The following WDR53 variants were observed in gnomAD, a reference collection of about 807,000 sequenced individuals.
WDR53 encodes the protein WD repeat-containing protein 53.
A neutral mutation model predicts 21.3 loss-of-function variants in WDR53; 19 were observed. The observed-to-expected ratio is 0.89, with a 90% confidence interval of 0.62 to 1.31. The LOEUF (loss-of-function observed/expected upper bound fraction) is 1.31. WDR53 is among the 50% of genes most tolerant of loss of function. The pLI is 0.00. For missense variants in WDR53, 374 were observed against 423.2 expected, an observed-to-expected ratio of 0.88 and a Z score of 1.02; for synonymous variants, 157 against 163.4, an observed-to-expected ratio of 0.96 and a Z score of 0.30.
At chr3:196,564,494 G>A (rs751098927) in intron 2 of WDR53, among the ~76,000 whole-genome samples, 9 of 150,206 alleles carry the variant, frequency 6.0e-5, no homozygotes, top group Non-Finnish European at 1.3e-4. Context: ...TGAGTAGCTG[G>A]AACTACAGGC....
At chr3:196,565,223 T>C (rs1465708779) in intron 2 of WDR53, among the ~76,000 whole-genome samples, 1 of 151,858 alleles carries the variant, frequency 6.6e-6, no homozygotes, top group South Asian at 2.1e-4. Flanking sequence ...ACTGATCATT[T>C]ATCTAGTCAG....
intron 3 of WDR53, among the ~76,000 whole-genome samples, chr3:196,555,276 A>C (rs2108680751): frequency 6.6e-6 from 1 of 152,288 alleles, no homozygotes; most frequent in Admixed American, 6.5e-5. Flanking sequence ...TACCCATCCA[A>C]GGGGCTTAAG....
At chr3:196,567,925 A>G (rs1263218761) in intron 1 of WDR53, among the ~76,000 whole-genome samples, 1 of 151,878 alleles carries the variant, frequency 6.6e-6, no homozygotes, top group Non-Finnish European at 1.5e-5. Context: ...TAATTTTTCT[A>G]TTTTTTTGTA....
intron 2 of WDR53, among the ~76,000 whole-genome samples, chr3:196,563,729 G>A (rs1164065837): frequency 2.0e-5 from 3 of 152,070 alleles, no homozygotes; most frequent in Non-Finnish European, 4.4e-5. Flanking sequence ...CTGCCACCAC[G>A]CCAGGCTAAC....
intron 2 of WDR53, among the ~76,000 whole-genome samples, chr3:196,564,525 A>C (rs1265732219): frequency 1.3e-5 from 2 of 149,260 alleles, no homozygotes; most frequent in Non-Finnish European, 3.0e-5. Context: ...AAACCCACCT[A>C]ATTTTTTGTA....
intron 2 of WDR53, among the ~76,000 whole-genome samples, chr3:196,565,312 C>T (rs532749834): frequency 8.6e-4 from 130 of 150,390 alleles, no homozygotes; most frequent in Non-Finnish European, 1.6e-3. Context: ...TGGTGGCTCA[C>T]GCCTGCAATC....
chr3:196,566,570 C>A (rs768884331), intron 2 of WDR53, among the ~76,000 whole-genome samples: 10 of 152,108 alleles, frequency 6.6e-5, no homozygotes, highest in African/African-American at 2.4e-4. Flanking sequence ...TGCACCACCA[C>A]GCCCGGTTAA....
intron 2 of WDR53, among the ~76,000 whole-genome samples, chr3:196,562,910 G>A (rs1174686748): frequency 1.3e-5 from 2 of 152,118 alleles, no homozygotes; most frequent in Non-Finnish European, 2.9e-5. Flanking sequence ...GTGGCTCACT[G>A]CAGCCTTGAC....
chr3:196,567,925 A>AT (rs1168358056), intron 1 of WDR53, among the ~76,000 whole-genome samples: 12 of 151,996 alleles, frequency 7.9e-5, no homozygotes, highest in African/African-American at 1.4e-4. Flanking sequence ...TAATTTTTCT[A>AT]TTTTTTTGTA....
chr3:196,558,258 T>A (rs935215112), intron 3 of WDR53, among the ~76,000 whole-genome samples: 1 of 152,102 alleles, frequency 6.6e-6, no homozygotes, highest in African/African-American at 2.4e-5. Context: ...CAGGCTGGAG[T>A]GCAGTGGCGA....
rs368933426 is a variant in WDR53, at chr3:196,565,350, G to A, written c.-17+1527C>T. Among the ~76,000 whole-genome samples, 242 of 152,030 alleles carry A rather than the reference G, an allele frequency of 1.6e-3. 1 individual carries two copies. Among genetic ancestry groups the A allele is most frequent in the African/African-American group, 5.7e-3 (235 of 41,468 alleles). ...AGCACTTTGGGAGGCTGAGGAGGGC[G>A]GATCACTTGAGGTCAGGAGTTCAAG... is the stretch of plus-strand genomic sequence containing the variant. On this transcript the variant is annotated intron_variant, in intron 2 of 3. Coordinates refer to ENST00000332629, the MANE Select transcript of WDR53 (RefSeq NM_182627.3).
At chr3:196,560,230 A>G (rs1301841902) in intron 3 of WDR53, among the ~76,000 whole-genome samples, 1 of 148,782 alleles carries the variant, frequency 6.7e-6, no homozygotes, top group Non-Finnish European at 1.5e-5. Flanking sequence ...GCAATTTGTG[A>G]TGCTCCTTTC....
chr3:196,567,109 G>C lies in WDR53; in HGVS notation c.-249C>G. On this transcript the variant is annotated 5_prime_UTR_variant, in exon 2 of 4. Coordinates refer to ENST00000332629, the MANE Select transcript of WDR53 (RefSeq NM_182627.3). ...CTGTGCCTCTAAGGCTGTTCATTCT[G>C]TCTAGTTCATGATCCCTTTCTCAGA... The C allele has an allele frequency of 2.2e-6, 1 of 456,618 alleles. No individual in the cohort carries two copies. Among genetic ancestry groups the C allele is most frequent in the Middle Eastern group, 3.3e-4 (1 of 3,074 alleles). 28.3% of individuals were successfully genotyped at this position (456,618 alleles called of 1,614,324 possible).
In WDR53 at chr3:196,561,072, T is replaced by A; in HGVS notation, c.404A>T (p.His135Leu). Reference protein sequence around the residue: ...NKKVIRSLKRHSNICSSVAFR... With the variant: ...NKKVIRSLKRLSNICSSVAFR... ...AGCCACTGAGGAGCAGATATTGGAA[T>A]GTCTCTTCAAGGATCTGATAACTTT... Residue 135 changes from histidine to leucine, a missense_variant, in exon 3 of 4, where the codon CAT becomes CTT. His to Leu is a moderately conservative substitution (Grantham distance 99). Coordinates refer to ENST00000332629, the MANE Select transcript of WDR53 (RefSeq NM_182627.3). 6.2e-7 allele frequency: 1 copy of A among 1,614,260 alleles called. No individual in the cohort carries two copies. Among genetic ancestry groups the A allele is most frequent in the Non-Finnish European group, 8.5e-7 (1 of 1,180,048 alleles).
At chr3:196,560,839 C>T (rs1051609262) in intron 3 of WDR53, among the ~76,000 whole-genome samples, 157 bp downstream of exon 3, 10 of 152,152 alleles carry the variant, frequency 6.6e-5, no homozygotes, top group Non-Finnish European at 4.4e-5. Flanking sequence ...TAGGTTTTAT[C>T]AGACTAGCAT....
intron 3 of WDR53, among the ~76,000 whole-genome samples, chr3:196,558,511 C>G (rs545120664): frequency 3.9e-5 from 6 of 152,348 alleles, no homozygotes; most frequent in African/African-American, 1.4e-4. Context: ...ACATAAGCTA[C>G]CACACCTGGC....
chr3:196,565,842 T>C (rs1735336222), intron 2 of WDR53, among the ~76,000 whole-genome samples: 1 of 152,174 alleles, frequency 6.6e-6, no homozygotes, highest in Non-Finnish European at 1.5e-5. Flanking sequence ...CAGAAATGAG[T>C]TGGCAAGCCA....
At chr3:196,567,600 C>A (rs942778694) in intron 1 of WDR53, among the ~76,000 whole-genome samples, 2 of 152,134 alleles carry the variant, frequency 1.3e-5, no homozygotes, top group Admixed American at 1.3e-4. Context: ...ATATAAAAAT[C>A]TGCGTAAATG....
intron 2 of WDR53, 150 bp from the exon 3 acceptor site, chr3:196,561,641 T>A: frequency 1.0e-5 from 9 of 878,816 alleles, no homozygotes; most frequent in Non-Finnish European, 1.3e-5. Flanking sequence ...AAAAGACACT[T>A]AAAGATCACA....
Sources: gnomAD v4.1 joint callset for allele counts (sites outside exome capture counted in the v4.1 genomes callset) on GRCh38, gnomAD v4.1.1 for gene constraint, MANE v1.5 for transcripts, NCBI Gene and HGNC (gene_info 2026-07-23, HGNC 2026-07-21) for gene names.